Variants in MEI1 observed in about 807,000 individuals in gnomAD.
MEI1 encodes meiotic double-stranded break formation protein 1, also known as meiosis inhibitor protein 1.
A neutral mutation model predicts 146.2 loss-of-function variants in MEI1; 103 were observed. The ratio of observed to expected loss-of-function variants is 0.70; its 90% confidence interval spans 0.60 to 0.83. MEI1 has a LOEUF of 0.83. Among genes scored for constraint, MEI1 ranks in the 40% least tolerant of loss-of-function variants. MEI1 has a pLI of 0.00. For synonymous variants in MEI1, 652 were observed against 628.2 expected (o/e 1.04, Z -0.57); for missense variants, 1,529 against 1,533.0 (o/e 1.00, Z 0.04).
At chr22:41,752,115 G>A (rs1029178227) in intron 15 of MEI1, among the ~76,000 whole-genome samples, 4 of 152,056 alleles carry the variant, frequency 2.6e-5, no homozygotes, top group Non-Finnish European at 4.4e-5. Flanking sequence ...CCTCTGTTCT[G>A]AGAATCAATT....
In MEI1 at chr22:41,732,617, G is replaced by C. The variant is rs372397770; in HGVS notation, c.1331+14G>C. On this transcript the variant is annotated intron_variant, in intron 11 of 30. Transcript: ENST00000401548. The stretch of plus-strand genomic sequence containing the variant: ...TGCTTTTCTGAGGTGAGAGACCCAG[G>C]CAGGCTGAACTTTCCATCCCTGCAT... 2.2e-5 allele frequency: 35 copies of C among 1,610,314 alleles called. No homozygotes were observed. The highest frequency in any genetic ancestry group is 2.8e-5 in the Non-Finnish European group (33 of 1,178,616).
rs1042662097 is a variant in MEI1, at chr22:41,699,516, C to T, written c.-23C>T. On this transcript the variant is annotated 5_prime_UTR_variant, in exon 1 of 31. Coordinates refer to ENST00000401548, the MANE Select transcript of MEI1 (RefSeq NM_152513.4). ...CAGTCTGCGCGGGAAAGAGTGCCGCCTCAGCTGAGGGCAAGCGAGGAGATG... is the reference window on the plus strand; with the variant it reads ...CAGTCTGCGCGGGAAAGAGTGCCGCTTCAGCTGAGGGCAAGCGAGGAGATG... 2 of 1,598,668 alleles carry T rather than the reference C, an allele frequency of 1.3e-6. No individual in the cohort carries two copies. Among genetic ancestry groups the T allele is most frequent in the Admixed American group, 1.7e-5 (1 of 58,908 alleles).
chr22:41,754,634 A>T lies in MEI1; in HGVS notation c.1951+588A>T, dbSNP rs12160154. Among the ~76,000 whole-genome samples, 67 of 151,942 alleles carry T rather than the reference A, an allele frequency of 4.4e-4. 1 individual carries two copies. Among genetic ancestry groups the T allele is most frequent in the African/African-American group, 1.6e-3 (66 of 41,442 alleles). ...TTTTTAGTAGAGACGGGCCTTCACC[A>T]TGTTGGCCATGCTGGTTTCAAACTC... On this transcript the variant is annotated intron_variant, in intron 17 of 30. Coordinates refer to ENST00000401548, the MANE Select transcript of MEI1 (RefSeq NM_152513.4).
chr22:41,721,587 C>T (rs1157568014), intron 6 of MEI1, among the ~76,000 whole-genome samples: 1 of 151,174 alleles, frequency 6.6e-6, no homozygotes, highest in Non-Finnish European at 1.5e-5. Flanking sequence ...GAGTCTGGGT[C>T]TCATTATATT....
chr22:41,726,107 A>C (rs566445419), intron 7 of MEI1, among the ~76,000 whole-genome samples: 2 of 152,112 alleles, frequency 1.3e-5, no homozygotes, highest in African/African-American at 2.4e-5. Flanking sequence ...GTGAAACTCT[A>C]TCTCTACTAA....
chr22:41,735,123 G>A (rs1255573289), intron 11 of MEI1, among the ~76,000 whole-genome samples: 3 of 151,024 alleles, frequency 2.0e-5, no homozygotes, highest in Non-Finnish European at 4.4e-5. Context: ...CACCACACCT[G>A]GCTAATTTTT....
Position 41,723,987 on chromosome 22 carries a change from A to G in MEI1, c.778A>G (p.Ile260Val). ...LLKYDLFVSM[I>V]MNQDGLGESA... is the part of the protein sequence containing the mutation. The stretch of plus-strand genomic sequence containing the variant: ...GAAGTATGATCTCTTTGTGTCCATG[A>G]TCATGAACCAGGATGGACTGGGAGA... The change falls in exon 7 of 31, where the codon ATC (isoleucine) becomes GTC (valine). Residue 260 changes from isoleucine to valine, a missense_variant. This residue lies in a region of MEI1 where 1,212 missense variants were observed against 1,178.9 expected (regional missense o/e 1.03). Transcript: ENST00000401548. 6.2e-7 allele frequency: 1 copy of G among 1,612,232 alleles called. No individual in the cohort carries two copies. Among genetic ancestry groups the G allele is most frequent in the Non-Finnish European group, 8.5e-7 (1 of 1,179,154 alleles).
Position 41,714,041 on chromosome 22 carries a change from C to T in MEI1, c.389C>T (p.Thr130Ile). The T allele has an allele frequency of 6.2e-7, 1 of 1,600,622 alleles. No homozygotes were observed. Residue 130 changes from threonine (T) to isoleucine (I), a missense_variant, in exon 4 of 31, where the codon ACT becomes ATT. Transcript: ENST00000401548. The stretch of plus-strand genomic sequence containing the variant: ...ACAACGCAGCTGAAGCTGGAGCAGA[C>T]TATCCGTTGCCTGCTGGATGAGTGC... ...QITTQLKLEQ[T>I]IRCLLDECHK...
chr22:41,743,289 C>G, intron 12 of MEI1, 95 bp downstream of exon 12: 2 of 852,670 alleles, frequency 2.3e-6, no homozygotes. Flanking sequence ...TATGCTATTT[C>G]ATGACTTTTT....
Position 41,703,426 on chromosome 22 carries a change from C to T in MEI1, c.270C>T (p.Val90=). ...VTQLVSQDQR[V]CIHFISVLFG... is the part of the protein sequence containing the mutation. ...AACTGGTGTCTCAGGATCAGAGAGT[C>T]TGCATCCACTTCATAAGTGTGCTTT... Residue 90 remains valine, a synonymous_variant, in exon 2 of 31, where the codon GTC becomes GTT. Transcript: ENST00000401548. The T allele has an allele frequency of 6.2e-7, 1 of 1,603,500 alleles. No individual in the cohort carries two copies.
intron 22 of MEI1, among the ~76,000 whole-genome samples, chr22:41,780,576 CTTTTCTTT>C (rs2075702351): frequency 8.2e-6 from 1 of 121,538 alleles, no homozygotes; most frequent in African/African-American, 2.9e-5. Flanking sequence ...GAATTTTTTT[CTTTTCTTT>C]TTTTTTTTTT....
chr22:41,734,081 T>A (rs1384317700), intron 11 of MEI1, among the ~76,000 whole-genome samples: 1 of 151,796 alleles, frequency 6.6e-6, no homozygotes, highest in Non-Finnish European at 1.5e-5. Context: ...TGAGTGGAGA[T>A]CACACCATTA....
intron 22 of MEI1, among the ~76,000 whole-genome samples, chr22:41,780,920 G>A (rs1220946703): frequency 6.6e-6 from 1 of 152,186 alleles, no homozygotes; most frequent in African/African-American, 2.4e-5. Flanking sequence ...GACAAGAGGA[G>A]TTAGCTAAAT....
intron 15 of MEI1, among the ~76,000 whole-genome samples, chr22:41,749,537 A>G (rs186831373): frequency 6.6e-6 from 1 of 152,242 alleles, no homozygotes; most frequent in African/African-American, 2.4e-5. Flanking sequence ...GACCTCCCAA[A>G]GTGCTGGGGT....
At chr22:41,738,311 G>T (rs933099556) in intron 11 of MEI1, among the ~76,000 whole-genome samples, 9 of 151,694 alleles carry the variant, frequency 5.9e-5, no homozygotes, top group African/African-American at 2.2e-4. Flanking sequence ...AAATTAGGCT[G>T]GGTGTGGTGG....
rs1313045679 is a variant in MEI1, at chr22:41,699,725, C to G, written c.174+13C>G. ...CCCCGGCGTGTCGGTGCGGGCGGAA[C>G]CTTTTCTTCAGAAGACCTGGGTTTG... On this transcript the variant is annotated intron_variant, in intron 1 of 30. Transcript: ENST00000401548. The G allele has an allele frequency of 2.6e-5, 40 of 1,546,688 alleles. No individual in the cohort carries two copies. The highest frequency in any genetic ancestry group is 3.3e-5 in the Non-Finnish European group (38 of 1,147,712).
Position 41,758,433 on chromosome 22 carries a change from C to G in MEI1, c.2020C>G (p.Leu674Val). ...PQISSRSPES[L>V]AFLSDRQYME... The stretch of plus-strand genomic sequence containing the variant: ...GATAAGCAGCAGGAGCCCTGAAAGC[C>G]TTGCCTTCCTGTCTGATCGCCAGTA... Residue 674 changes from leucine (L) to valine (V), a missense_variant, in exon 18 of 31, where the codon CTT becomes GTT. Physicochemically the swap from Leu to Val is conservative, Grantham distance 32. Transcript: ENST00000401548. 6.2e-7 allele frequency: 1 copy of G among 1,613,982 alleles called. No individual in the cohort carries two copies. The highest frequency in any genetic ancestry group is 1.3e-5 in the African/African-American group (1 of 75,056).
At chr22:41,715,460 A>G (rs930383326) in intron 4 of MEI1, among the ~76,000 whole-genome samples, 1 of 151,490 alleles carries the variant, frequency 6.6e-6, no homozygotes, top group African/African-American at 2.4e-5. Context: ...CAGTGGCGCA[A>G]TCTTGGCTCA....
intron 20 of MEI1, among the ~76,000 whole-genome samples, chr22:41,771,818 C>T (rs1302962742): frequency 6.6e-6 from 1 of 152,072 alleles, no homozygotes. Context: ...AGGAGAGTAG[C>T]AGGGGACAGA....
Sources: allele counts gnomAD v4.1 joint callset (sites outside exome capture counted in the v4.1 genomes callset), GRCh38; gene constraint gnomAD v4.1.1; regional missense constraint gnomAD v4.1.1; transcripts MANE v1.5; gene names NCBI Gene and HGNC (gene_info 2026-07-23, HGNC 2026-07-21).